The following ARF1 variants were observed in gnomAD, a reference collection of about 807,000 sequenced individuals.
ARF1 encodes the protein ARF GTPase 1, also known as ADP-ribosylation factor 1.
Under a neutral mutation model 18.0 loss-of-function variants are expected in ARF1, and 1 was observed. The observed-to-expected ratio is 0.06, with a 90% CI of 0.02 to 0.26. The LOEUF (loss-of-function observed/expected upper bound fraction) is 0.26, where lower values mean the gene tolerates loss of function less well. Ranked by LOEUF, ARF1 falls within the 10% of genes least tolerant of loss-of-function variation. ARF1 has a pLI of 1.00. For synonymous variants in ARF1, 112 were observed against 96.3 expected (o/e 1.16, Z -0.95); for missense variants, 73 against 247.2 (o/e 0.30, Z 4.73).
intron 1 of ARF1, among the ~76,000 whole-genome samples, chr1:228,096,682 TG>T (rs1490526303): frequency 1.3e-5 from 2 of 152,186 alleles, no homozygotes; most frequent in East Asian, 3.9e-4. Context: ...CTCTGGTCCT[TG>T]TGAGTGTGGG....
At chr1:228,095,139 C>CT (rs1382084131) in intron 1 of ARF1, among the ~76,000 whole-genome samples, 7 of 152,154 alleles carry the variant, frequency 4.6e-5, no homozygotes, top group African/African-American at 1.7e-4. Flanking sequence ...ATTTGTGTAT[C>CT]TATCAGGTTT....
At chr1:228,086,125 A>G (rs935287593) in intron 1 of ARF1, among the ~76,000 whole-genome samples, 30 of 152,186 alleles carry the variant, frequency 2.0e-4, no homozygotes, top group African/African-American at 7.2e-4. Flanking sequence ...CCATGAAGTC[A>G]CACTTTTGCC....
At chr1:228,088,846 T>C (rs1474426279) in intron 1 of ARF1, among the ~76,000 whole-genome samples, 2 of 152,182 alleles carry the variant, frequency 1.3e-5, no homozygotes, top group African/African-American at 4.8e-5. Flanking sequence ...GTGCGAGTGC[T>C]GGGATGCTGT....
At position 228,089,617 on chromosome 1, in the gene ARF1, T is replaced by C. The variant is rs1249104341; in HGVS notation, c.-38+6852T>C. Among the ~76,000 whole-genome samples, 1 of 152,196 alleles carries C rather than the reference T, an allele frequency of 6.6e-6. No homozygotes were observed. The highest frequency in any genetic ancestry group is 1.5e-5 in the Non-Finnish European group (1 of 68,036). ...ATTGGCTCAATCACTGGTGCAGCCA[T>C]TGCATTAATTTTCTTTAACCTGGTG... is the stretch of plus-strand genomic sequence containing the variant. On this transcript the variant is annotated intron_variant, in intron 1 of 4. Transcript: ENST00000272102. The surrounding 1 kb of genome is among the most constrained non-coding windows in gnomAD (Gnocchi z 4.1).
At chr1:228,095,548 C>T (rs1175480675) in intron 1 of ARF1, among the ~76,000 whole-genome samples, 2 of 152,152 alleles carry the variant, frequency 1.3e-5, no homozygotes, top group African/African-American at 4.8e-5. Flanking sequence ...TTTGGTTCAC[C>T]AGCTGTTGTG....
rs750370290 is a variant in ARF1 at position 228,098,030 on chromosome 1, T to C, written c.*17T>C. 4 of 1,601,076 alleles carry C rather than the reference T, an allele frequency of 2.5e-6. No individual in the cohort carries two copies. The highest frequency in any genetic ancestry group is 3.4e-6 in the Non-Finnish European group (4 of 1,171,530). ...CAGAAGTGAACGCGACCCCCCTCCC[T>C]CTCACTCCTCTTGCCCTCTGCTTTA... is the stretch of plus-strand genomic sequence containing the variant. On this transcript the variant is annotated 3_prime_UTR_variant, in exon 5 of 5. Transcript: ENST00000272102.
intron 1 of ARF1, among the ~76,000 whole-genome samples, chr1:228,085,867 T>C (rs2032377853): frequency 6.6e-6 from 1 of 152,180 alleles, no homozygotes; most frequent in African/African-American, 2.4e-5. Context: ...GATTGCAAAA[T>C]ACATATCTGG....
chr1:228,085,322 C>G (rs2032358335), intron 1 of ARF1, among the ~76,000 whole-genome samples: 1 of 152,256 alleles, frequency 6.6e-6, no homozygotes, highest in Admixed American at 6.5e-5. Flanking sequence ...GGCATAGTTG[C>G]ATTTATTGCC....
intron 1 of ARF1, among the ~76,000 whole-genome samples, chr1:228,088,684 G>A (rs1398000370): frequency 6.6e-6 from 1 of 152,174 alleles, no homozygotes; most frequent in Non-Finnish European, 1.5e-5. Flanking sequence ...GACATGGCTT[G>A]CCCTTGAGGT....
intron 1 of ARF1, chr1:228,083,033 C>T (rs1362107191): frequency 2.0e-5 from 3 of 152,456 alleles, no homozygotes; most frequent in Non-Finnish European, 2.9e-5. Context: ...GCTTGTCCTC[C>T]TCTGCCTGTC....
intron 1 of ARF1, among the ~76,000 whole-genome samples, chr1:228,093,596 T>C (rs2032638829): frequency 6.7e-6 from 1 of 149,904 alleles, no homozygotes; most frequent in South Asian, 2.1e-4. Flanking sequence ...GCTTCCCTCC[T>C]TTGGGGACTC....
At chr1:228,092,916 A>G (rs1433755664) in intron 1 of ARF1, among the ~76,000 whole-genome samples, 1 of 152,230 alleles carries the variant, frequency 6.6e-6, no homozygotes, top group East Asian at 1.9e-4. Flanking sequence ...TGTAGCTGCC[A>G]GAGTTGACTG....
chr1:228,090,079 C>T (rs911526950), intron 1 of ARF1, among the ~76,000 whole-genome samples: 1 of 152,232 alleles, frequency 6.6e-6, no homozygotes, highest in Admixed American at 6.5e-5. Context: ...TACAGGGGAA[C>T]GCACTGCTAG....
chr1:228,095,456 G>A (rs1228678498), intron 1 of ARF1, among the ~76,000 whole-genome samples: 2 of 152,192 alleles, frequency 1.3e-5, no homozygotes, highest in African/African-American at 2.4e-5. Context: ...CCCTTAGGCC[G>A]CATGTGGCCC....
intron 1 of ARF1, chr1:228,090,764 CAG>C (rs1321804965): frequency 9.2e-5 from 14 of 152,300 alleles, no homozygotes; most frequent in Admixed American, 3.3e-4. Flanking sequence ...GGCCAGGAAA[CAG>C]GGGTTTTATT....
intron 1 of ARF1, among the ~76,000 whole-genome samples, chr1:228,083,874 G>C (rs2032304613): frequency 1.3e-5 from 2 of 152,246 alleles, no homozygotes; most frequent in Admixed American, 1.3e-4. Flanking sequence ...AATGCACTCG[G>C]AATCGCGGGC....
At chr1:228,095,482 C>T (rs987679023) in intron 1 of ARF1, among the ~76,000 whole-genome samples, 3 of 152,194 alleles carry the variant, frequency 2.0e-5, no homozygotes, top group Non-Finnish European at 2.9e-5. Context: ...GGCTTTGAAC[C>T]CGACCCAACA....
rs537897365 is a variant in ARF1, at chr1:228,098,241, C to T, written c.*228C>T. On this transcript the variant is annotated 3_prime_UTR_variant, in exon 5 of 5. Transcript: ENST00000272102. The stretch of plus-strand genomic sequence containing the variant: ...TCTGGTACTCCTATGCAATATTACT[C>T]AGCTTTTTTTATTGTAAAAAGAAAA... 121 of 464,010 alleles carry T rather than the reference C, an allele frequency of 2.6e-4. No homozygotes were observed. The highest frequency in any genetic ancestry group is 4.7e-4 in the Admixed American group (12 of 25,302). The allele number at this position is 464,010 out of a possible 1,614,324, so 28.7% of individuals were successfully genotyped here.
Position 228,082,904 on chromosome 1 carries a change from G to T in ARF1, c.-38+139G>T, listed in dbSNP as rs2032257600. On this transcript the variant is annotated intron_variant, in intron 1 of 4. Transcript: ENST00000272102. This position sits in a 1 kb window ranked among gnomAD's most constrained non-coding sequence, Gnocchi z 6.1. ...GCGGCGGCGGCGACAGGGCCGGGCC[G>T]GGGGCGGACGCAGACGGGCCGGGCT... is the stretch of plus-strand genomic sequence containing the variant. 1 of 152,914 alleles carries T rather than the reference G, an allele frequency of 6.5e-6. No homozygotes were observed. Among genetic ancestry groups the T allele is most frequent in the South Asian group, 1.9e-4 (1 of 5,334 alleles). 9.5% of individuals were successfully genotyped at this position (152,914 alleles called of 1,614,324 possible).
Sources: gnomAD v4.1 joint callset for allele counts (sites outside exome capture counted in the v4.1 genomes callset) on GRCh38, gnomAD v4.1.1 for gene constraint, Gnocchi (gnomAD v3.1) non-coding constraint, MANE v1.5 for transcripts, NCBI Gene and HGNC (gene_info 2026-07-23, HGNC 2026-07-21) for gene names.